The following IMMP2L variants were observed in gnomAD, a reference collection of about 807,000 sequenced individuals.
IMMP2L encodes the protein mitochondrial inner membrane protease subunit 2.
A neutral mutation model predicts 19.3 loss-of-function variants in IMMP2L; 18 were observed. The observed-to-expected ratio is 0.93, with a 90% CI of 0.64 to 1.38. IMMP2L has a LOEUF of 1.38. Among genes scored for constraint, IMMP2L ranks in the 40% most tolerant of loss-of-function variants. The pLI, the probability that IMMP2L is intolerant of heterozygous loss-of-function variation, is 0.00. For synonymous variants in IMMP2L, 76 were observed against 73.0 expected (o/e 1.04, Z -0.21); for missense variants, 233 against 218.2 (o/e 1.07, Z -0.43).
intron 4 of IMMP2L, among the ~76,000 whole-genome samples, chr7:110,909,908 A>T (rs1023184297): frequency 6.9e-6 from 1 of 145,326 alleles, no homozygotes; most frequent in African/African-American, 2.8e-5. Flanking sequence ...GAGAGAGAGA[A>T]AGAGAGAGAG....
At chr7:110,818,394 C>T (rs533846224) in intron 5 of IMMP2L, among the ~76,000 whole-genome samples, 1 of 152,132 alleles carries the variant, frequency 6.6e-6, no homozygotes. Flanking sequence ...CAGAGAAATG[C>T]AAATCAAAAC....
At chr7:111,400,068 T>A (rs1170885301) in intron 3 of IMMP2L, among the ~76,000 whole-genome samples, 1 of 152,128 alleles carries the variant, frequency 6.6e-6, no homozygotes, top group African/African-American at 2.4e-5. Context: ...CTCTCCTGTG[T>A]GTTTTCCAAG....
intron 3 of IMMP2L, among the ~76,000 whole-genome samples, chr7:111,302,693 T>A (rs183347960): frequency 6.6e-6 from 1 of 152,242 alleles, no homozygotes; most frequent in Admixed American, 6.5e-5. Flanking sequence ...AATAAAGAAT[T>A]TGTTTTTCTC....
chr7:110,719,950 G>A (rs958071673), intron 5 of IMMP2L, among the ~76,000 whole-genome samples: 5 of 152,238 alleles, frequency 3.3e-5, no homozygotes, highest in Admixed American at 6.5e-5. Flanking sequence ...GGCTTAAACC[G>A]ATCCAATATG....
chr7:110,818,318 A>C (rs995150462), intron 5 of IMMP2L, among the ~76,000 whole-genome samples: 9 of 152,246 alleles, frequency 5.9e-5, no homozygotes, highest in Non-Finnish European at 7.4e-5. Flanking sequence ...TGAACACACA[A>C]TTCTCAAAAG....
At chr7:111,294,531 C>T (rs1311855723) in intron 3 of IMMP2L, among the ~76,000 whole-genome samples, 2 of 151,778 alleles carry the variant, frequency 1.3e-5, no homozygotes, top group Non-Finnish European at 2.9e-5. Context: ...TTAATGTTTA[C>T]ATAATTTAAA....
At chr7:110,716,886 A>G (rs1795265770) in intron 5 of IMMP2L, among the ~76,000 whole-genome samples, 1 of 152,220 alleles carries the variant, frequency 6.6e-6, no homozygotes, top group South Asian at 2.1e-4. Flanking sequence ...AGTCAAAGCA[A>G]TTCTCAGGTT....
intron 1 of IMMP2L, among the ~76,000 whole-genome samples, chr7:111,550,947 G>A (rs1401194773): frequency 1.3e-5 from 2 of 152,150 alleles, no homozygotes; most frequent in Non-Finnish European, 2.9e-5. Flanking sequence ...ATCTGCAGGA[G>A]AAAATCTGCA....
intron 3 of IMMP2L, among the ~76,000 whole-genome samples, chr7:111,228,380 A>G (rs2129623007): frequency 6.6e-6 from 1 of 152,148 alleles, no homozygotes; most frequent in Admixed American, 6.6e-5. Context: ...ATAGGTTCTC[A>G]TTAAAAAAAA....
chr7:111,144,807 A>C (rs1433088012), intron 3 of IMMP2L, among the ~76,000 whole-genome samples: 3 of 152,182 alleles, frequency 2.0e-5, no homozygotes, highest in Non-Finnish European at 4.4e-5. Flanking sequence ...AATGTCGAGC[A>C]ACACACAGGC....
chr7:111,330,650 T>C lies in IMMP2L; in HGVS notation c.239+156588A>G, dbSNP rs116736037. On this transcript the variant is annotated intron_variant, in intron 3 of 5. Transcript: ENST00000405709. ...ACAAGTAAAAGAATTAGACTGGCAA[T>C]AGATTTATCAAAAATAAGATTCATA... Among the ~76,000 whole-genome samples, 637 of 151,884 alleles carry C rather than the reference T, an allele frequency of 4.2e-3. 5 individuals are homozygous for C. Among genetic ancestry groups the C allele is most frequent in the African/African-American group, 0.015 (610 of 41,492 alleles).
chr7:111,267,777 T>C (rs535574396), intron 3 of IMMP2L, among the ~76,000 whole-genome samples: 2 of 152,330 alleles, frequency 1.3e-5, no homozygotes, highest in Admixed American at 1.3e-4. Context: ...TAAAGGTGTT[T>C]GCTGGATTAA....
intron 5 of IMMP2L, among the ~76,000 whole-genome samples, chr7:110,844,006 A>C (rs1265568443): frequency 6.6e-6 from 1 of 152,092 alleles, no homozygotes; most frequent in Non-Finnish European, 1.5e-5. Context: ...CTTAGGATCT[A>C]AGTGAAGCCT....
intron 3 of IMMP2L, among the ~76,000 whole-genome samples, chr7:111,177,911 G>T (rs1807254407): frequency 6.6e-6 from 1 of 152,054 alleles, no homozygotes; most frequent in African/African-American, 2.4e-5. Flanking sequence ...TTCCCTGTGT[G>T]CCTTTTCCTG....
intron 3 of IMMP2L, among the ~76,000 whole-genome samples, chr7:111,425,171 T>G (rs1321416732): frequency 6.6e-6 from 1 of 151,784 alleles, no homozygotes; most frequent in Non-Finnish European, 1.5e-5. Flanking sequence ...ATACTTCGAT[T>G]CCTTAAACAC....
At chr7:111,303,439 C>G (rs930745651) in intron 3 of IMMP2L, among the ~76,000 whole-genome samples, 3 of 152,062 alleles carry the variant, frequency 2.0e-5, no homozygotes, top group Non-Finnish European at 2.9e-5. Context: ...AGTTTGGAAG[C>G]AATCAATCTT....
intron 3 of IMMP2L, among the ~76,000 whole-genome samples, chr7:111,046,764 A>G (rs1427478671): frequency 6.6e-6 from 1 of 152,198 alleles, no homozygotes; most frequent in African/African-American, 2.4e-5. Context: ...GGATGAAATG[A>G]TAACAATAAT....
chr7:111,123,095 C>T lies in IMMP2L; in HGVS notation c.240-159530G>A. The T allele has an allele frequency of 6.2e-7, 1 of 1,613,612 alleles. No individual in the cohort carries two copies. Among genetic ancestry groups the T allele is most frequent in the South Asian group, 1.1e-5 (1 of 91,074 alleles). On this transcript the variant is annotated intron_variant, in intron 3 of 5. Coordinates refer to ENST00000405709, the MANE Select transcript of IMMP2L (RefSeq NM_032549.4). This position sits in a 1 kb window ranked among gnomAD's most constrained non-coding sequence, Gnocchi z 6.4. ...TCTCAAAACAATTTATCTTCAGTCA[C>T]CAATATTAATGTAAAAAAGATGCCT...
chr7:111,256,156 T>G (rs561439872), intron 3 of IMMP2L, among the ~76,000 whole-genome samples: 95 of 152,104 alleles, frequency 6.2e-4, no homozygotes, highest in Non-Finnish European at 5.3e-4. Context: ...GCAAGCCCAT[T>G]TTAAAAAAAT....
Sources: gnomAD v4.1 joint callset for allele counts (sites outside exome capture counted in the v4.1 genomes callset) on GRCh38, gnomAD v4.1.1 for gene constraint, Gnocchi (gnomAD v3.1) non-coding constraint, MANE v1.5 for transcripts, NCBI Gene and HGNC (gene_info 2026-07-23, HGNC 2026-07-21) for gene names.